CEP41: variants seen among roughly 807,000 people sequenced by gnomAD.
CEP41 encodes centrosomal protein of 41 kDa.
In CEP41, 32 loss-of-function variants were observed where a neutral mutation model predicts 44.3. That is an observed-to-expected ratio of 0.72 (90% CI 0.54 to 0.97). The LOEUF is 0.97. CEP41 is among the 50% of genes least tolerant of loss of function. CEP41 has a pLI of 0.00. For synonymous variants in CEP41, 151 were observed against 168.5 expected, an observed-to-expected ratio of 0.90 and a Z score of 0.80; for missense variants, 432 against 455.2, an observed-to-expected ratio of 0.95 and a Z score of 0.46.
At chr7:130,409,897 T>G (rs753646780) in intron 5 of CEP41, among the ~76,000 whole-genome samples, 11 of 152,158 alleles carry the variant, frequency 7.2e-5, no homozygotes, top group Non-Finnish European at 1.5e-4. Flanking sequence ...ATGCCTGGTG[T>G]GCTGTCCTCT....
chr7:130,402,255 A>T (rs1423425791), intron 7 of CEP41, among the ~76,000 whole-genome samples: 1 of 150,728 alleles, frequency 6.6e-6, no homozygotes, highest in Non-Finnish European at 1.5e-5. Context: ...CTGAGGTAGG[A>T]GGATCACTTG....
rs781870883 is a variant in CEP41, at chr7:130,400,690, A to G, written c.757+17T>C. 2 of 1,492,662 alleles carry G rather than the reference A, an allele frequency of 1.3e-6. No individual in the cohort carries two copies. Among genetic ancestry groups the G allele is most frequent in the South Asian group, 1.2e-5 (1 of 86,928 alleles). 92.5% of individuals were successfully genotyped at this position (1,492,662 alleles called of 1,614,324 possible). On this transcript the variant is annotated intron_variant, in intron 9 of 10. Coordinates refer to ENST00000223208, the MANE Select transcript of CEP41 (RefSeq NM_018718.3). ...GATCAGCCTTTGAAGTCCCAAGCAG[A>G]GTATCACCTTGCTCACCTCCGGAAA... is the stretch of plus-strand genomic sequence containing the variant.
chr7:130,434,766 G>C (rs1472354682), intron 1 of CEP41, among the ~76,000 whole-genome samples: 5 of 152,120 alleles, frequency 3.3e-5, no homozygotes, highest in African/African-American at 1.2e-4. Context: ...GAAAAATATG[G>C]CTGCTGAATT....
rs1554414766 is a variant in CEP41, at chr7:130,396,769, C to T, written c.*2122G>A. On this transcript the variant is annotated 3_prime_UTR_variant, in exon 11 of 11. Coordinates refer to ENST00000223208, the MANE Select transcript of CEP41 (RefSeq NM_018718.3). ...CCTTACCAACAGGGCAAAGCAAGCA[C>T]TGTGGAGAAATACACATAAATATAT... is the stretch of plus-strand genomic sequence containing the variant. The T allele has an allele frequency of 2.2e-6, 1 of 454,252 alleles. No individual in the cohort carries two copies. 28.1% of individuals were successfully genotyped at this position (454,252 alleles called of 1,614,324 possible). A position where few individuals can be genotyped will look rare whatever the true frequency, so the allele number is the denominator to read the frequency against.
At chr7:130,433,283 T>C (rs1271853984) in intron 1 of CEP41, among the ~76,000 whole-genome samples, 3 of 151,394 alleles carry the variant, frequency 2.0e-5, no homozygotes, top group African/African-American at 7.3e-5. Flanking sequence ...CTTTTTCCCT[T>C]AAGAGAGTTG....
At chr7:130,441,154 G>A (rs1251797551), upstream of CEP41, 3 of 721,768 alleles carry the variant, frequency 4.2e-6, no homozygotes, top group Admixed American at 2.0e-5. Flanking sequence ...GCAAGACGCC[G>A]CTCAATGGTT....
chr7:130,406,656 T>C (rs1554418278), intron 5 of CEP41, among the ~76,000 whole-genome samples: 1 of 152,060 alleles, frequency 6.6e-6, no homozygotes, highest in African/African-American at 2.4e-5. Flanking sequence ...ATTTTGCATA[T>C]GATATGATAA....
At chr7:130,419,981 A>C in intron 2 of CEP41, 1 of 985,364 alleles carries the variant, frequency 1.0e-6, no homozygotes, top group Non-Finnish European at 1.2e-6. Context: ...ACGTATGAAT[A>C]ATCTTTATCC....
chr7:130,436,987 C>T (rs141095977), intron 1 of CEP41, among the ~76,000 whole-genome samples: 60 of 151,986 alleles, frequency 3.9e-4, no homozygotes, highest in African/African-American at 1.4e-3. Context: ...TGTAGTGAGC[C>T]GAAATCGCAC....
At chr7:130,425,292 A>G (rs1017261915) in intron 2 of CEP41, among the ~76,000 whole-genome samples, 29 of 152,172 alleles carry the variant, frequency 1.9e-4, no homozygotes, top group Non-Finnish European at 3.2e-4. Context: ...GCGCACCCGT[A>G]ATTCCAGCTA....
At chr7:130,416,122 C>A (rs1554420821) in intron 3 of CEP41, among the ~76,000 whole-genome samples, 1 of 152,198 alleles carries the variant, frequency 6.6e-6, no homozygotes, top group African/African-American at 2.4e-5. Context: ...GCAATTTTAT[C>A]TTCCAAGAAG....
chr7:130,399,155 GT>G, intron 10 of CEP41, 116 bp from the exon 11 acceptor site: 1 of 1,285,630 alleles, frequency 7.8e-7, no homozygotes, highest in Non-Finnish European at 1.1e-6. Context: ...AGCTAATGAA[GT>G]CCTATGCAGT....
intron 5 of CEP41, among the ~76,000 whole-genome samples, chr7:130,406,866 G>A (rs1261346140): frequency 6.6e-6 from 1 of 151,872 alleles, no homozygotes; most frequent in East Asian, 1.9e-4. Context: ...TATACCTAAT[G>A]TAAATGACAG....
chr7:130,404,187 G>GTCACT (rs1554417664), intron 6 of CEP41, among the ~76,000 whole-genome samples: 1 of 152,192 alleles, frequency 6.6e-6, no homozygotes, highest in African/African-American at 2.4e-5. Flanking sequence ...GTGTGGCACT[G>GTCACT]TCACTTCCGG....
intron 1 of CEP41, chr7:130,440,692 C>T (rs1232547934): frequency 3.3e-6 from 2 of 605,704 alleles, no homozygotes; most frequent in Non-Finnish European, 5.9e-6. Flanking sequence ...TACTTCGCTC[C>T]TCGCAGTCAC....
chr7:130,426,830 G>A (rs1167412658), intron 2 of CEP41: 2 of 299,828 alleles, frequency 6.7e-6, no homozygotes, highest in Non-Finnish European at 1.3e-5. Context: ...TATAATCCTA[G>A]TTCTCTCTCC....
chr7:130,415,274 T>C (rs763201227), intron 3 of CEP41, among the ~76,000 whole-genome samples: 1 of 152,208 alleles, frequency 6.6e-6, no homozygotes, highest in Non-Finnish European at 1.5e-5. Flanking sequence ...AGTAAAGTGA[T>C]GGGTCTAGGG....
At position 130,428,857 on chromosome 7, in the gene CEP41, G is replaced by A. The variant is rs568979399; in HGVS notation, c.34-839C>T. Reference sequence around the variant, plus strand: ...CCCCAGGAGGCGGAGGTTGCGGTGAGCGGAGATCGTGCCACTGCACTCCAG... The same window carrying A: ...CCCCAGGAGGCGGAGGTTGCGGTGAACGGAGATCGTGCCACTGCACTCCAG... On this transcript the variant is annotated intron_variant, in intron 1 of 10. Coordinates refer to ENST00000223208, the MANE Select transcript of CEP41 (RefSeq NM_018718.3). 2.2e-3 allele frequency among the ~76,000 whole-genome samples: 330 copies of A among 152,056 alleles called. 4 individuals are homozygous for A. Among genetic ancestry groups the A allele is most frequent in the South Asian group, 0.015 (74 of 4,812 alleles).
chr7:130,402,349 AAAAAC>A (rs1222755521), intron 7 of CEP41, among the ~76,000 whole-genome samples: 2 of 151,064 alleles, frequency 1.3e-5, no homozygotes, highest in Non-Finnish European at 3.0e-5. Flanking sequence ...TTAACAAAAA[AAAAAC>A]AAAAAAAAAA....
Sources: allele counts gnomAD v4.1 joint callset (sites outside exome capture counted in the v4.1 genomes callset), GRCh38; gene constraint gnomAD v4.1.1; transcripts MANE v1.5; gene names NCBI Gene and HGNC (gene_info 2026-07-23, HGNC 2026-07-21).